MAP4: variants seen among roughly 807,000 people sequenced by gnomAD.
MAP4 encodes microtubule associated protein 4.
MAP4 carries 76 observed loss-of-function variants against 170.2 expected under a neutral mutation model. The observed-to-expected ratio is 0.45, with a 90% confidence interval of 0.37 to 0.54. The LOEUF (loss-of-function observed/expected upper bound fraction) is 0.54. Ranked by LOEUF, MAP4 falls within the 20% of genes least tolerant of loss-of-function variation. The pLI is 0.00. For missense variants in MAP4, 2,506 were observed against 2,748.0 expected (o/e 0.91, Z 1.97); for synonymous variants, 909 against 994.5 (o/e 0.91, Z 1.62).
intron 1 of MAP4, among the ~76,000 whole-genome samples, chr3:48,007,527 T>A (rs2100102993): frequency 1.3e-5 from 2 of 152,220 alleles, no homozygotes; most frequent in Non-Finnish European, 2.9e-5. Context: ...CTGGGCCATA[T>A]GACCCAGCAG....
chr3:47,971,078 T>C (rs1475612381), intron 3 of MAP4, among the ~76,000 whole-genome samples: 1 of 152,212 alleles, frequency 6.6e-6, no homozygotes, highest in South Asian at 2.1e-4. Flanking sequence ...GTATTTTTAT[T>C]AGAAAACCAT....
rs117513020 is a variant in MAP4 at position 47,974,596 on chromosome 3, A to G, written c.292+3269T>C. ...AAACCAGAATTCCTCTAAGATTTCA[A>G]AACATGGTCCATGTTTTATGTTATA... On this transcript the variant is annotated intron_variant, in intron 3 of 20. Coordinates refer to ENST00000683076, the MANE Select transcript of MAP4 (RefSeq NM_001385682.1). 1.0e-3 allele frequency: 1,004 copies of G among 965,680 alleles called. 39 individuals carry two copies. In the East Asian group the frequency reaches 0.08, roughly 77 times the overall value. 59.8% of individuals were successfully genotyped at this position (965,680 alleles called of 1,614,324 possible).
intron 10 of MAP4, among the ~76,000 whole-genome samples, chr3:47,896,987 G>GA (rs899310295): frequency 2.6e-5 from 4 of 151,972 alleles, no homozygotes; most frequent in African/African-American, 9.7e-5. Flanking sequence ...GGTGTCCAGA[G>GA]AAAAAAAGTG....
intron 1 of MAP4, among the ~76,000 whole-genome samples, chr3:48,038,852 A>G (rs915620324): frequency 6.6e-6 from 1 of 152,184 alleles, no homozygotes; most frequent in Non-Finnish European, 1.5e-5. Context: ...CTGTAATCCC[A>G]GCATTTTGGG....
At chr3:48,028,792 C>A (rs1024966643) in intron 1 of MAP4, among the ~76,000 whole-genome samples, 30 of 147,390 alleles carry the variant, frequency 2.0e-4, no homozygotes, top group African/African-American at 7.5e-4. Flanking sequence ...AAAGGTACCA[C>A]AAAACTAGTG....
intron 1 of MAP4, among the ~76,000 whole-genome samples, chr3:48,005,394 A>C (rs2100101721): frequency 6.6e-6 from 1 of 152,114 alleles, no homozygotes; most frequent in Admixed American, 6.5e-5. Flanking sequence ...AATTTATATA[A>C]ACAGCAATCT....
intron 2 of MAP4, among the ~76,000 whole-genome samples, chr3:47,984,380 A>G (rs913419915): frequency 6.6e-6 from 1 of 152,218 alleles, no homozygotes; most frequent in Non-Finnish European, 1.5e-5. Context: ...GCAGCAGAAC[A>G]CATTTCAACT....
At chr3:48,041,885 A>G (rs911024141) in intron 1 of MAP4, among the ~76,000 whole-genome samples, 1 of 152,214 alleles carries the variant, frequency 6.6e-6, no homozygotes, top group African/African-American at 2.4e-5. Context: ...ATAATAGTCA[A>G]GACAATGTGG....
At chr3:47,885,461 G>A (rs2097422670) in intron 10 of MAP4, among the ~76,000 whole-genome samples, 1 of 152,090 alleles carries the variant, frequency 6.6e-6, no homozygotes, top group South Asian at 2.1e-4. Flanking sequence ...TCCCTACCAG[G>A]TTTGCCTTCT....
intron 1 of MAP4, among the ~76,000 whole-genome samples, chr3:48,040,362 G>A (rs952854490): frequency 2.5e-4 from 38 of 151,654 alleles, no homozygotes; most frequent in African/African-American, 9.2e-4. Context: ...TCCGCCTCCT[G>A]GGTTCAGGCC....
intron 2 of MAP4, among the ~76,000 whole-genome samples, chr3:47,996,342 C>T (rs1163566530): frequency 6.6e-6 from 1 of 152,038 alleles, no homozygotes; most frequent in Non-Finnish European, 1.5e-5. Flanking sequence ...TTGAGAAAGA[C>T]CCAAACCGTG....
At chr3:47,996,695 T>A (rs1167940410) in intron 2 of MAP4, among the ~76,000 whole-genome samples, 1 of 151,306 alleles carries the variant, frequency 6.6e-6, no homozygotes, top group East Asian at 1.9e-4. Flanking sequence ...GGCCTCAGCC[T>A]ACTATTTTAC....
chr3:47,989,109 C>G (rs2100090679), intron 2 of MAP4, among the ~76,000 whole-genome samples: 1 of 152,112 alleles, frequency 6.6e-6, no homozygotes, highest in Non-Finnish European at 1.5e-5. Flanking sequence ...CCATGCCCAG[C>G]CAGAACAGGG....
chr3:47,900,663 G>A (rs746438722), intron 10 of MAP4, among the ~76,000 whole-genome samples: 6 of 152,164 alleles, frequency 3.9e-5, no homozygotes, highest in Non-Finnish European at 8.8e-5. Flanking sequence ...TTGAACCTGG[G>A]AGGTGGAGAT....
intron 1 of MAP4, among the ~76,000 whole-genome samples, chr3:48,023,864 G>T (rs574197746): frequency 1.3e-5 from 2 of 152,308 alleles, no homozygotes; most frequent in East Asian, 3.9e-4. Flanking sequence ...GGCAGGGGTT[G>T]GGGGGAGACC....
At chr3:47,941,015 T>A (rs2100055949) in intron 3 of MAP4, among the ~76,000 whole-genome samples, 1 of 151,888 alleles carries the variant, frequency 6.6e-6, no homozygotes, top group South Asian at 2.1e-4. Flanking sequence ...GTAGCTGGGA[T>A]TACAGGCAGC....
At chr3:48,019,599 T>C (rs1395256924), upstream of MAP4, among the ~76,000 whole-genome samples, 1 of 150,526 alleles carries the variant, frequency 6.6e-6, no homozygotes, top group Non-Finnish European at 1.5e-5. Context: ...AAAAACTCTC[T>C]TTTGGCTGGG....
intron 10 of MAP4, among the ~76,000 whole-genome samples, chr3:47,878,051 C>A (rs2095867431): frequency 6.6e-6 from 1 of 152,148 alleles, no homozygotes; most frequent in South Asian, 2.1e-4. Flanking sequence ...CAAGGAGACC[C>A]ATGGAACCAG....
chr3:48,047,925 A>G (rs2100125440), intron 1 of MAP4, among the ~76,000 whole-genome samples: 2 of 152,216 alleles, frequency 1.3e-5, no homozygotes, highest in South Asian at 4.1e-4. Context: ...GTGGTTCTCT[A>G]TCACTTAAAA....
Sources: gnomAD v4.1 joint callset for allele counts (sites outside exome capture counted in the v4.1 genomes callset) on GRCh38, gnomAD v4.1.1 for gene constraint, MANE v1.5 for transcripts, NCBI Gene and HGNC (gene_info 2026-07-23, HGNC 2026-07-21) for gene names.